Variants in CHRM5 observed in about 807,000 individuals in gnomAD.
CHRM5 encodes cholinergic receptor muscarinic 5.
Under a neutral mutation model 39.0 loss-of-function variants are expected in CHRM5, and 18 were observed. The observed-to-expected ratio is 0.46, with a 90% CI of 0.32 to 0.68. The LOEUF is 0.68. Ranked by LOEUF, CHRM5 falls within the 30% of genes least tolerant of loss-of-function variation. CHRM5 has a pLI of 0.04. For missense variants in CHRM5, 515 were observed against 651.1 expected (o/e 0.79, Z 2.28); for synonymous variants, 241 against 246.3 (o/e 0.98, Z 0.20).
chr15:33,988,138 C>T (rs1440523210), intron 1 of CHRM5, among the ~76,000 whole-genome samples: 2 of 152,236 alleles, frequency 1.3e-5, no homozygotes, highest in South Asian at 4.1e-4. Context: ...CTTAACCAAC[C>T]ACAAACCTTC....
chr15:34,064,374 A>G lies in CHRM5; in HGVS notation c.*58A>G. ...CCACAGTCAACATCCTCTGAGGATG[A>G]GCAAGCTGATTCTGGTTTGTATATT... On this transcript the variant is annotated 3_prime_UTR_variant, in exon 3 of 3. Coordinates refer to ENST00000383263, the MANE Select transcript of CHRM5 (RefSeq NM_012125.4). 6 of 1,505,578 alleles carry G rather than the reference A, an allele frequency of 4.0e-6. No homozygotes were observed. The highest frequency in any genetic ancestry group is 5.3e-6 in the Non-Finnish European group (6 of 1,124,184). 93.3% of individuals were successfully genotyped at this position (1,505,578 alleles called of 1,614,324 possible).
chr15:34,058,397 C>A (rs905336715), intron 2 of CHRM5, among the ~76,000 whole-genome samples: 29 of 152,026 alleles, frequency 1.9e-4, no homozygotes, highest in Admixed American at 1.8e-3. Flanking sequence ...GAATAAAAAT[C>A]AAAATGGAGC....
intron 2 of CHRM5, among the ~76,000 whole-genome samples, chr15:34,055,737 C>A (rs1453273478): frequency 6.7e-6 from 1 of 149,484 alleles, no homozygotes; most frequent in Non-Finnish European, 1.5e-5. Flanking sequence ...GGAGGTGGAG[C>A]TTGCAGTGAG....
At chr15:33,988,820 T>A (rs1288624042) in intron 1 of CHRM5, among the ~76,000 whole-genome samples, 1 of 152,232 alleles carries the variant, frequency 6.6e-6, no homozygotes. Context: ...GTTGAACCCA[T>A]TTCCATTAAA....
intron 1 of CHRM5, among the ~76,000 whole-genome samples, chr15:34,009,667 A>G (rs986053883): frequency 6.6e-6 from 1 of 152,200 alleles, no homozygotes; most frequent in African/African-American, 2.4e-5. Context: ...AGGCTGTTAC[A>G]TAATAATAAA....
intron 1 of CHRM5, among the ~76,000 whole-genome samples, chr15:34,024,472 C>CA (rs10531898): frequency 0.019 from 1,970 of 101,824 alleles, 63 homozygotes; most frequent in African/African-American, 0.069. Context: ...GACCCTGTCT[C>CA]AAAAAAAAAA....
intron 1 of CHRM5, chr15:34,002,920 C>A: frequency 9.7e-7 from 1 of 1,033,796 alleles, no homozygotes; most frequent in South Asian, 1.9e-5. Flanking sequence ...ATTAAAAATC[C>A]AAAGAACAAA....
chr15:34,043,548 G>T (rs1237193545), intron 1 of CHRM5, among the ~76,000 whole-genome samples: 1 of 152,178 alleles, frequency 6.6e-6, no homozygotes, highest in Admixed American at 6.5e-5. Context: ...ACCAGCTACA[G>T]GGGGAGAGAC....
At chr15:34,037,000 T>C (rs1187587320) in intron 1 of CHRM5, among the ~76,000 whole-genome samples, 4 of 151,946 alleles carry the variant, frequency 2.6e-5, no homozygotes, top group Admixed American at 6.6e-5. Context: ...TCCCAGCTAC[T>C]TGGGAGGCTG....
intron 2 of CHRM5, among the ~76,000 whole-genome samples, chr15:34,057,813 T>C (rs927974075): frequency 6.6e-6 from 1 of 152,312 alleles, no homozygotes; most frequent in African/African-American, 2.4e-5. Context: ...TTAATTAATG[T>C]CATACAGCAA....
intron 1 of CHRM5, among the ~76,000 whole-genome samples, chr15:34,045,902 G>A (rs552177611): frequency 3.9e-5 from 6 of 152,166 alleles, no homozygotes; most frequent in Non-Finnish European, 5.9e-5. Flanking sequence ...GAAACCCAGA[G>A]GCTTTTATTA....
chr15:34,049,532 TTA>T (rs956551059), intron 2 of CHRM5, among the ~76,000 whole-genome samples: 5 of 152,038 alleles, frequency 3.3e-5, no homozygotes, highest in Admixed American at 6.5e-5. Context: ...GATCATGGGA[TTA>T]TGTAAAGCAA....
At chr15:34,048,037 T>TTTG (rs1899780602) in intron 2 of CHRM5, among the ~76,000 whole-genome samples, 2 of 77,122 alleles carry the variant, frequency 2.6e-5, no homozygotes, top group Non-Finnish European at 5.2e-5. Flanking sequence ...GTGTGTGTGT[T>TTTG]TGTGTGTGTG....
intron 1 of CHRM5, among the ~76,000 whole-genome samples, chr15:33,984,951 C>G (rs111811723): frequency 2.6e-5 from 4 of 152,160 alleles, no homozygotes; most frequent in African/African-American, 9.6e-5. Flanking sequence ...ATGAACCAAC[C>G]AATATTTTCA....
At chr15:34,008,929 AAC>A (rs1186485634) in intron 1 of CHRM5, among the ~76,000 whole-genome samples, 1 of 135,210 alleles carries the variant, frequency 7.4e-6, no homozygotes, top group East Asian at 2.1e-4. Flanking sequence ...ATAAAATTAA[AAC>A]ACACACTCAC....
At chr15:33,975,311 T>A (rs935140355) in intron 1 of CHRM5, among the ~76,000 whole-genome samples, 6 of 152,188 alleles carry the variant, frequency 3.9e-5, no homozygotes, top group African/African-American at 1.4e-4. Flanking sequence ...AACCTAAAAC[T>A]CCTGGTATAT....
intron 1 of CHRM5, among the ~76,000 whole-genome samples, chr15:33,977,153 T>A (rs16958437): frequency 0.01 from 1,528 of 152,294 alleles, 29 homozygotes; most frequent in African/African-American, 0.035. Context: ...CCGCACTACC[T>A]TTTTTAGCAA....
chr15:33,980,884 T>G (rs912220469), intron 1 of CHRM5, among the ~76,000 whole-genome samples: 1 of 152,132 alleles, frequency 6.6e-6, no homozygotes, highest in African/African-American at 2.4e-5. Flanking sequence ...AAAATACAGC[T>G]AAATGTAGCC....
intron 1 of CHRM5, among the ~76,000 whole-genome samples, chr15:34,005,799 C>T (rs1897313891): frequency 6.6e-6 from 1 of 152,140 alleles, no homozygotes; most frequent in Admixed American, 6.5e-5. Context: ...ATGAAATAGA[C>T]TAATTGGCCT....
Sources: allele counts gnomAD v4.1 joint callset (sites outside exome capture counted in the v4.1 genomes callset), GRCh38; gene constraint gnomAD v4.1.1; transcripts MANE v1.5; gene names NCBI Gene and HGNC (gene_info 2026-07-23, HGNC 2026-07-21).